The following SAMSN1 variants were observed in gnomAD, a reference collection of about 807,000 sequenced individuals.
SAMSN1 encodes SAM domain-containing protein SAMSN-1.
A neutral mutation model predicts 42.0 loss-of-function variants in SAMSN1; 31 were observed. The ratio of observed to expected loss-of-function variants is 0.74; its 90% CI spans 0.55 to 1.00. SAMSN1 has a LOEUF of 1.00. Among genes scored for constraint, SAMSN1 ranks in the 50% least tolerant of loss-of-function variants. SAMSN1 has a pLI of 0.00. For missense variants in SAMSN1, 464 were observed against 439.4 expected, an observed-to-expected ratio of 1.06 and a Z score of -0.50; for synonymous variants, 178 against 151.9, an observed-to-expected ratio of 1.17 and a Z score of -1.26.
At chr21:14,523,007 G>A (rs13051840) in intron 1 of SAMSN1, among the ~76,000 whole-genome samples, 42,660 of 152,174 alleles carry the variant, frequency 0.28, 6,732 homozygotes, top group Non-Finnish European at 0.35. Context: ...ACATAAATGA[G>A]AAGATTGTGC....
chr21:14,558,317 A>G (rs1398540066), intron 2 of SAMSN1, among the ~76,000 whole-genome samples: 1 of 152,138 alleles, frequency 6.6e-6, no homozygotes, highest in African/African-American at 2.4e-5. Context: ...CAAATGTTGA[A>G]TTAGACAACA....
At chr21:14,564,344 G>T (rs1248432156) in intron 2 of SAMSN1, among the ~76,000 whole-genome samples, 1 of 152,112 alleles carries the variant, frequency 6.6e-6, no homozygotes, top group African/African-American at 2.4e-5. Context: ...TCTTGGAAGA[G>T]AAAAAATGAG....
At chr21:14,532,182 G>C (rs75437716) in intron 1 of SAMSN1, among the ~76,000 whole-genome samples, 2 of 152,066 alleles carry the variant, frequency 1.3e-5, no homozygotes, top group Non-Finnish European at 2.9e-5. Flanking sequence ...TCTGTTTCAA[G>C]GGGAACCTTT....
intron 7 of SAMSN1, among the ~76,000 whole-genome samples, chr21:14,492,083 G>A (rs1225077239): frequency 6.6e-6 from 1 of 151,786 alleles, no homozygotes; most frequent in Non-Finnish European, 1.5e-5. Context: ...AGTCCCTATT[G>A]TTTTTAGTTT....
At chr21:14,522,851 A>G (rs1324064668) in intron 1 of SAMSN1, among the ~76,000 whole-genome samples, 1 of 152,228 alleles carries the variant, frequency 6.6e-6, no homozygotes, top group Non-Finnish European at 1.5e-5. Context: ...TCAGGGCACA[A>G]GGCAGGAACC....
intron 5 of SAMSN1, among the ~76,000 whole-genome samples, chr21:14,505,937 G>A (rs1244207775): frequency 6.6e-6 from 1 of 152,048 alleles, no homozygotes; most frequent in Non-Finnish European, 1.5e-5. Context: ...GAAATTAACT[G>A]CAAAAGGAAC....
Position 14,577,238 on chromosome 21 carries a change from GTATATATATATATA to G in SAMSN1, c.261+4884_261+4897del, listed in dbSNP as rs767931839. ...GGTGGGCTAATTTATATATATGTGT[GTATATATATATATA>G]TATATATATATATATATATATATAT... On this transcript the variant is annotated intron_variant, in intron 2 of 8. Transcript: ENST00000285670. 4.2e-3 allele frequency among the ~76,000 whole-genome samples: 117 copies of G among 28,176 alleles called. 4 individuals are homozygous for G. The highest frequency in any genetic ancestry group is 0.034 in the South Asian group (22 of 642). The allele number at this position is 28,176 out of a possible 152,430, so 18.5% of individuals were successfully genotyped here. A position where few individuals can be genotyped will look rare whatever the true frequency, so the allele number is the denominator to read the frequency against.
chr21:14,555,912 A>G (rs970345993), intron 2 of SAMSN1, among the ~76,000 whole-genome samples: 11 of 152,202 alleles, frequency 7.2e-5, no homozygotes, highest in Non-Finnish European at 1.5e-4. Flanking sequence ...TTTTATCTGA[A>G]CATAGTACAC....
At chr21:14,587,216 G>C (rs576442282), upstream of SAMSN1, among the ~76,000 whole-genome samples, 1 of 151,768 alleles carries the variant, frequency 6.6e-6, no homozygotes, top group East Asian at 1.9e-4. Context: ...ATTCTTCTTT[G>C]ATCCTAGGCA....
At chr21:14,532,082 G>A (rs898775263) in intron 1 of SAMSN1, among the ~76,000 whole-genome samples, 1 of 152,124 alleles carries the variant, frequency 6.6e-6, no homozygotes, top group Admixed American at 6.5e-5. Flanking sequence ...CCCAGCTTCT[G>A]GAGTTGTAAT....
chr21:14,640,433 A>G (rs548708214), intron 2 of SAMSN1, among the ~76,000 whole-genome samples: 1 of 152,206 alleles, frequency 6.6e-6, no homozygotes, highest in South Asian at 2.1e-4. Context: ...TTTCAGGGTG[A>G]TTTCAGAGTA....
chr21:14,573,075 C>CA (rs1981350956), intron 2 of SAMSN1, among the ~76,000 whole-genome samples: 1 of 152,122 alleles, frequency 6.6e-6, no homozygotes, highest in South Asian at 2.1e-4. Flanking sequence ...ATGATTATCA[C>CA]AATGTGTCTC....
intron 2 of SAMSN1, among the ~76,000 whole-genome samples, chr21:14,567,661 A>C (rs893251678): frequency 6.6e-6 from 1 of 152,142 alleles, no homozygotes; most frequent in African/African-American, 2.4e-5. Flanking sequence ...CACCCAGTCC[A>C]TTCCTGGCGT....
chr21:14,631,540 G>A (rs1213620329), intron 2 of SAMSN1, among the ~76,000 whole-genome samples: 2 of 152,094 alleles, frequency 1.3e-5, no homozygotes, highest in East Asian at 3.9e-4. Context: ...GCAATTTTTT[G>A]TATTTTTAAT....
rs1986408894 is a variant in SAMSN1 at position 14,485,840 on chromosome 21, C to T, written c.*72G>A. 9.0e-7 allele frequency: 1 copy of T among 1,115,172 alleles called. No homozygotes were observed. Among genetic ancestry groups the T allele is most frequent in the Non-Finnish European group, 1.4e-6 (1 of 733,108 alleles). 69.1% of individuals were successfully genotyped at this position (1,115,172 alleles called of 1,614,324 possible). On this transcript the variant is annotated 3_prime_UTR_variant, in exon 8 of 8. Transcript: ENST00000400566. ...ACAAATATTTATCTTATCTTCCTCT[C>T]CTATTTGACGTTTTAGCTCAAGAAG...
intron 2 of SAMSN1, among the ~76,000 whole-genome samples, chr21:14,577,223 T>C (rs1209324987): frequency 7.9e-4 from 74 of 93,772 alleles, no homozygotes; most frequent in Non-Finnish European, 1.3e-3. Flanking sequence ...GGTGGGCTAA[T>C]TTATATATAT....
intron 2 of SAMSN1, among the ~76,000 whole-genome samples, chr21:14,562,073 C>A (rs1425464436): frequency 3.9e-5 from 6 of 152,198 alleles, no homozygotes; most frequent in Non-Finnish European, 8.8e-5. Flanking sequence ...CCTTGGAAAA[C>A]CAATATACTA....
chr21:14,493,411 A>G lies in SAMSN1; in HGVS notation c.919+5031T>C, dbSNP rs17003299. ...AGGACAATAGTACACATTCTCATAG[A>G]CACAATTTTAAGACACATTGGAGTG... is the stretch of plus-strand genomic sequence containing the variant. On this transcript the variant is annotated intron_variant, in intron 7 of 7. Coordinates refer to ENST00000400566, the MANE Select transcript of SAMSN1 (RefSeq NM_022136.5). Among the ~76,000 whole-genome samples the G allele has an allele frequency of 5.2e-3, 795 of 152,306 alleles. 5 individuals carry two copies. Among genetic ancestry groups the G allele is most frequent in the African/African-American group, 0.017 (714 of 41,572 alleles).
At position 14,498,546 on chromosome 21, in the gene SAMSN1, T is replaced by C. The variant is rs1256827081; in HGVS notation, c.815A>G (p.Asp272Gly). The C allele has an allele frequency of 6.2e-7, 1 of 1,609,842 alleles. No individual in the cohort carries two copies. The highest frequency in any genetic ancestry group is 1.1e-5 in the South Asian group (1 of 90,262). ...LLLNGYETLE[D>G]LKDIKESHLI... ...GTGACTCTCTTTTATATCTTTTAAA[T>C]CTTCTAGAGTCTCATAACCATTGAG... The change falls in exon 7 of 8, where the codon GAT (aspartate) becomes GGT (glycine). Residue 272 changes from aspartate (D) to glycine (G), a missense_variant. By Grantham distance (94) the Asp-to-Gly change is moderately conservative. Coordinates refer to ENST00000400566, the MANE Select transcript of SAMSN1 (RefSeq NM_022136.5).
Sources: allele counts gnomAD v4.1 joint callset (sites outside exome capture counted in the v4.1 genomes callset), GRCh38; gene constraint gnomAD v4.1.1; transcripts MANE v1.5; gene names NCBI Gene and HGNC (gene_info 2026-07-23, HGNC 2026-07-21).